The following VCPKMT variants were observed in gnomAD, a reference collection of about 807,000 sequenced individuals.
The protein encoded by VCPKMT is protein N-lysine methyltransferase METTL21D.
In VCPKMT, 32 loss-of-function variants were observed where a neutral mutation model predicts 28.6. That is an observed-to-expected ratio of 1.12 (90% CI 0.84 to 1.50). VCPKMT has a LOEUF of 1.50. VCPKMT is among the 40% of genes most tolerant of loss of function. The pLI, the probability that VCPKMT is intolerant of heterozygous loss-of-function variation, is 0.00. For missense variants in VCPKMT, 366 were observed against 285.0 expected (o/e 1.28, Z -2.05); for synonymous variants, 138 against 111.4 (o/e 1.24, Z -1.50).
intron 5 of VCPKMT, chr14:50,111,720 C>CA (rs947485588): frequency 8.0e-5 from 57 of 712,920 alleles, no homozygotes; most frequent in South Asian, 6.3e-4. Context: ...TCAACAACAA[C>CA]AAAAAAAATA....
downstream of VCPKMT, among the ~76,000 whole-genome samples, chr14:50,105,112 T>G (rs2139422700): frequency 6.6e-6 from 1 of 152,262 alleles, no homozygotes; most frequent in Admixed American, 6.5e-5. Flanking sequence ...CAACTTCCTT[T>G]CTAGAAAACA....
rs766878848 is a variant in VCPKMT, at chr14:50,109,688, G to C, written c.*11C>G. 2 of 1,601,418 alleles carry C rather than the reference G, an allele frequency of 1.2e-6. No homozygotes were observed. Among genetic ancestry groups the C allele is most frequent in the South Asian group, 2.3e-5 (2 of 88,738 alleles). ...AGGTTGTTAGAGCCTTGGGTAAGAT[G>C]ATTAAAGGCTTCACGATGGAAATTT... On this transcript the variant is annotated 3_prime_UTR_variant, in exon 6 of 6. Coordinates refer to ENST00000395860, the MANE Select transcript of VCPKMT (RefSeq NM_024558.3).
chr14:50,112,504 T>C (rs145559372), intron 5 of VCPKMT, 111 bp downstream of exon 5: 2 of 656,370 alleles, frequency 3.0e-6, no homozygotes, highest in East Asian at 3.2e-5. Context: ...AGTGAATCAT[T>C]AGAGCTGTTT....
rs1882784844 is a variant in VCPKMT at position 50,112,738 on chromosome 14, C to T, written c.571-19G>A. The T allele has an allele frequency of 1.3e-6, 2 of 1,501,828 alleles. No homozygotes were observed. The highest frequency in any genetic ancestry group is 1.4e-5 in the African/African-American group (1 of 71,246). 93.0% of individuals were successfully genotyped at this position (1,501,828 alleles called of 1,614,324 possible). A position where few individuals can be genotyped will look rare whatever the true frequency, so the allele number is the denominator to read the frequency against. On this transcript the variant is annotated intron_variant, in intron 4 of 5. Coordinates refer to ENST00000395860, the MANE Select transcript of VCPKMT (RefSeq NM_024558.3). Reference sequence around the variant, plus strand: ...GAAGGAGCTATAAATTTAAAAGAGACATACTTCAAATTCAATAATATGAAC... The same window carrying T: ...GAAGGAGCTATAAATTTAAAAGAGATATACTTCAAATTCAATAATATGAAC...
chr14:50,107,565 C>T (rs567417844), downstream of VCPKMT, among the ~76,000 whole-genome samples: 3 of 152,226 alleles, frequency 2.0e-5, no homozygotes, highest in Non-Finnish European at 2.9e-5. Flanking sequence ...CCGTCTGCCT[C>T]GGCATACAGG....
chr14:50,109,442 C>T lies in VCPKMT; in HGVS notation c.*257G>A. 8.3e-7 allele frequency: 1 copy of T among 1,201,876 alleles called. No individual in the cohort carries two copies. The highest frequency in any genetic ancestry group is 1.0e-6 in the Non-Finnish European group (1 of 968,894). 74.5% of individuals were successfully genotyped at this position (1,201,876 alleles called of 1,614,324 possible). On this transcript the variant is annotated 3_prime_UTR_variant, in exon 6 of 6. Transcript: ENST00000395860. ...CCAATTTTTATTTGAATAACTGATT[C>T]CCAACATTTAAGAAGAACTTGATGC...
intron 3 of VCPKMT, 139 bp from the exon 4 acceptor site, chr14:50,114,543 T>A (rs1882965462): frequency 8.6e-6 from 5 of 583,174 alleles, no homozygotes. Context: ...GCACATGTAA[T>A]TAAAGCTCTA....
intron 5 of VCPKMT, chr14:50,111,252 A>C (rs2139432287): frequency 1.0e-6 from 1 of 984,862 alleles, no homozygotes; most frequent in Admixed American, 6.1e-5. Context: ...TTCTACTTTT[A>C]AAACTGCACA....
At chr14:50,107,639 T>A (rs896315930), downstream of VCPKMT, among the ~76,000 whole-genome samples, 1 of 152,162 alleles carries the variant, frequency 6.6e-6, no homozygotes, top group Admixed American at 6.5e-5. Context: ...CAGTCAGTAC[T>A]TAGGTGAGTT....
At chr14:50,108,248 G>A (rs1233633513), downstream of VCPKMT, among the ~76,000 whole-genome samples, 2 of 144,912 alleles carry the variant, frequency 1.4e-5, no homozygotes, top group African/African-American at 5.1e-5. Context: ...AGGGTGAAAA[G>A]ACATTTAAGG....
At chr14:50,115,145 G>GTTTTTTTTT (rs745531021) in intron 3 of VCPKMT, among the ~76,000 whole-genome samples, 2 of 90,372 alleles carry the variant, frequency 2.2e-5, no homozygotes, top group African/African-American at 9.6e-5. Context: ...ACAAACTGAT[G>GTTTTTTTTT]TTTTTTTTTT....
rs978658400 is a variant in VCPKMT, at chr14:50,109,380, T to C, written c.*319A>G. ...CTGTAAAAGGTCCAGTCAAATCATG[T>C]TGGCTGTTTTTGGCAGATTTCAGCC... is the stretch of plus-strand genomic sequence containing the variant. On this transcript the variant is annotated 3_prime_UTR_variant, in exon 6 of 6. Transcript: ENST00000395860. 2.8e-6 allele frequency: 3 copies of C among 1,085,458 alleles called. No individual in the cohort carries two copies. Among genetic ancestry groups the C allele is most frequent in the Admixed American group, 1.0e-4 (2 of 19,232 alleles). The allele number at this position is 1,085,458 out of a possible 1,614,324, so 67.2% of individuals were successfully genotyped here.
chr14:50,111,467 CA>C, intron 5 of VCPKMT: 2 of 985,400 alleles, frequency 2.0e-6, no homozygotes, highest in Non-Finnish European at 2.4e-6. Flanking sequence ...CAAACATAAT[CA>C]AAGCAAAGAT....
At chr14:50,114,600 C>CA (rs1294381349) in intron 3 of VCPKMT, among the ~76,000 whole-genome samples, 196 bp from the exon 4 acceptor site, 1 of 152,256 alleles carries the variant, frequency 6.6e-6, no homozygotes, top group African/African-American at 2.4e-5. Flanking sequence ...CTTTGGAAGG[C>CA]AGAGGTGGAA....
At chr14:50,105,718 G>C (rs1369800945), downstream of VCPKMT, among the ~76,000 whole-genome samples, 1 of 152,166 alleles carries the variant, frequency 6.6e-6, no homozygotes, top group Non-Finnish European at 1.5e-5. Context: ...AACTGTGGCA[G>C]ATTAAAATGC....
intron 5 of VCPKMT, among the ~76,000 whole-genome samples, chr14:50,112,392 C>CGA (rs763730645): frequency 5.7e-5 from 3 of 52,516 alleles, no homozygotes; most frequent in African/African-American, 1.8e-4. Flanking sequence ...TTAAAAAATA[C>CGA]GAGAAAAAAA....
downstream of VCPKMT, among the ~76,000 whole-genome samples, chr14:50,106,125 ATT>A (rs1018792655): frequency 6.6e-6 from 1 of 152,168 alleles, no homozygotes; most frequent in African/African-American, 2.4e-5. Context: ...GTGGTTCTCA[ATT>A]TAAGGCAAAC....
chr14:50,109,633 AC>A lies in VCPKMT; in HGVS notation c.*65del, dbSNP rs2139428754. 1 of 1,551,294 alleles carries A rather than the reference AC, an allele frequency of 6.4e-7. No homozygotes were observed. The highest frequency in any genetic ancestry group is 2.3e-5 in the East Asian group (1 of 43,006). ...AACACAATCTTCCCATGCTGTATTC[AC>A]ATGCTCTATTCACATCTTTAGTTTA... On this transcript the variant is annotated 3_prime_UTR_variant, in exon 6 of 6. Transcript: ENST00000395860.
At chr14:50,108,525 TG>T (rs1307011690), downstream of VCPKMT, 137 of 838,848 alleles carry the variant, frequency 1.6e-4, no homozygotes, top group Non-Finnish European at 1.9e-4. Flanking sequence ...AGGAATGAAC[TG>T]ATTTCTTGAC....
Sources: allele counts gnomAD v4.1 joint callset (sites outside exome capture counted in the v4.1 genomes callset), GRCh38; gene constraint gnomAD v4.1.1; transcripts MANE v1.5; gene names NCBI Gene and HGNC (gene_info 2026-07-23, HGNC 2026-07-21).